Variants in ARHGAP24 observed in about 807,000 individuals in gnomAD.
The protein encoded by ARHGAP24 is rho GTPase-activating protein 24.
In ARHGAP24, 50 loss-of-function variants were observed where a neutral mutation model predicts 76.4. The observed-to-expected ratio is 0.65, with a 90% CI of 0.52 to 0.83. The LOEUF (loss-of-function observed/expected upper bound fraction) is 0.83. ARHGAP24 is among the 40% of genes least tolerant of loss of function. The pLI, the probability that ARHGAP24 is intolerant of heterozygous loss-of-function variation, is 0.00. For synonymous variants in ARHGAP24, 345 were observed against 323.3 expected (o/e 1.07, Z -0.72); for missense variants, 930 against 914.2 (o/e 1.02, Z -0.22).
chr4:85,951,495 G>A (rs1393007907), intron 5 of ARHGAP24, among the ~76,000 whole-genome samples: 4 of 152,012 alleles, frequency 2.6e-5, no homozygotes, highest in African/African-American at 9.7e-5. Flanking sequence ...TTCCCCTGTT[G>A]TTTTCAATGT....
intron 2 of ARHGAP24, among the ~76,000 whole-genome samples, chr4:85,704,805 G>A (rs1724245488): frequency 6.6e-6 from 1 of 152,012 alleles, no homozygotes; most frequent in South Asian, 2.1e-4. Flanking sequence ...ACCGTATCTG[G>A]CATATAGTAG....
At chr4:85,895,524 T>C (rs1734126891) in intron 3 of ARHGAP24, among the ~76,000 whole-genome samples, 1 of 152,180 alleles carries the variant, frequency 6.6e-6, no homozygotes, top group Admixed American at 6.5e-5. Flanking sequence ...GTGCTTGTTT[T>C]CCTGAGGAAA....
At chr4:85,690,763 T>G (rs1336821935) in intron 2 of ARHGAP24, among the ~76,000 whole-genome samples, 1 of 151,604 alleles carries the variant, frequency 6.6e-6, no homozygotes, top group African/African-American at 2.4e-5. Context: ...ATCTTGTTTT[T>G]TTTTTTTTTA....
At chr4:85,877,172 T>G (rs1360128209) in intron 3 of ARHGAP24, among the ~76,000 whole-genome samples, 5 of 152,228 alleles carry the variant, frequency 3.3e-5, no homozygotes, top group African/African-American at 7.2e-5. Context: ...TTTAGTCTTT[T>G]GTATTCTGTT....
chr4:85,995,667 A>G lies in ARHGAP24; in HGVS notation c.2003+10A>G. 6.2e-7 allele frequency: 1 copy of G among 1,613,224 alleles called. No individual in the cohort carries two copies. The highest frequency in any genetic ancestry group is 2.2e-5 in the East Asian group (1 of 44,834). The stretch of plus-strand genomic sequence containing the variant: ...AGTCCAGGATAAAGAGGTAAGGAAA[A>G]TCTGGAGGTCGTAACTACCAGAGAG... On this transcript the variant is annotated intron_variant, in intron 9 of 9. Coordinates refer to ENST00000395184, the MANE Select transcript of ARHGAP24 (RefSeq NM_001025616.3).
At chr4:85,602,063 C>T (rs777269537) in intron 2 of ARHGAP24, among the ~76,000 whole-genome samples, 69 of 152,242 alleles carry the variant, frequency 4.5e-4, no homozygotes, top group Middle Eastern at 6.8e-3. Context: ...CTAAGACTTA[C>T]GGAAGATAGC....
chr4:85,729,840 A>C (rs1362352893), intron 3 of ARHGAP24, among the ~76,000 whole-genome samples: 2 of 152,232 alleles, frequency 1.3e-5, no homozygotes, highest in Non-Finnish European at 2.9e-5. Flanking sequence ...CCACTTAAAA[A>C]TGTAAAAAAT....
intron 5 of ARHGAP24, among the ~76,000 whole-genome samples, chr4:85,943,031 A>G (rs1737041738): frequency 6.6e-6 from 1 of 152,158 alleles, no homozygotes; most frequent in East Asian, 1.9e-4. Context: ...GCCTCTTTTT[A>G]AATATCTAAT....
In ARHGAP24 at chr4:86,001,351, C is replaced by A. The variant is rs1741007042; in HGVS notation, c.*629C>A. ...TGCTTTTAAAATTCTTCCCCTGGCA[C>A]CACTCAGTTTTGCTTTTGCGAGGCG... On this transcript the variant is annotated 3_prime_UTR_variant, in exon 10 of 10. Coordinates refer to ENST00000395184, the MANE Select transcript of ARHGAP24 (RefSeq NM_001025616.3). 3 of 399,008 alleles carry A rather than the reference C, an allele frequency of 7.5e-6. No individual in the cohort carries two copies. Among genetic ancestry groups the A allele is most frequent in the Non-Finnish European group, 1.3e-5 (3 of 226,082 alleles). The allele number at this position is 399,008 out of a possible 1,614,324, so 24.7% of individuals were successfully genotyped here.
At chr4:85,483,265 C>A (rs1316358900) in intron 1 of ARHGAP24, among the ~76,000 whole-genome samples, 1 of 151,984 alleles carries the variant, frequency 6.6e-6, no homozygotes, top group African/African-American at 2.4e-5. Flanking sequence ...TGGCTTATGA[C>A]CAACATTTCT....
At chr4:85,614,079 T>C (rs1412000057) in intron 2 of ARHGAP24, among the ~76,000 whole-genome samples, 1 of 152,250 alleles carries the variant, frequency 6.6e-6, no homozygotes, top group Non-Finnish European at 1.5e-5. Context: ...TTCTTTTCTT[T>C]AGAAAACTTT....
At position 85,995,568 on chromosome 4, in the gene ARHGAP24, C is replaced by T; in HGVS notation, c.1914C>T (p.Ser638=). ...GTGAGACATTTGTGGGCAACAGCAG[C>T]AGCAACCACAGTGCACTGCACAGTT... ...DNSETFVGNS[S]SNHSALHSLV... The change falls in exon 9 of 10, where the codon AGC becomes AGT. Residue 638 remains serine, a synonymous_variant. Coordinates refer to ENST00000395184, the MANE Select transcript of ARHGAP24 (RefSeq NM_001025616.3). 1 of 1,613,192 alleles carries T rather than the reference C, an allele frequency of 6.2e-7. No homozygotes were observed. The highest frequency in any genetic ancestry group is 1.1e-5 in the South Asian group (1 of 90,962).
chr4:85,775,509 C>A (rs779735902), intron 3 of ARHGAP24, among the ~76,000 whole-genome samples: 7 of 152,072 alleles, frequency 4.6e-5, no homozygotes, highest in Non-Finnish European at 1.0e-4. Context: ...GAAAGGGGTT[C>A]CCCCTTATAA....
intron 2 of ARHGAP24, among the ~76,000 whole-genome samples, chr4:85,612,821 A>C (rs866036510): frequency 1.5e-5 from 1 of 65,098 alleles, no homozygotes; most frequent in African/African-American, 5.2e-5. Flanking sequence ...TTTTGTGGCA[A>C]TCTCGCTGTG....
intron 2 of ARHGAP24, among the ~76,000 whole-genome samples, chr4:85,626,365 A>G (rs1037898067): frequency 2.0e-5 from 3 of 152,160 alleles, no homozygotes; most frequent in African/African-American, 7.2e-5. Context: ...TCTGGGTTGA[A>G]AATTCTTTTC....
At chr4:85,708,812 A>G (rs1724413377) in intron 2 of ARHGAP24, among the ~76,000 whole-genome samples, 1 of 152,208 alleles carries the variant, frequency 6.6e-6, no homozygotes, top group Non-Finnish European at 1.5e-5. Flanking sequence ...ATCTATTATC[A>G]TTTGACAAAA....
At chr4:85,992,315 C>A (rs528602447) in intron 8 of ARHGAP24, among the ~76,000 whole-genome samples, 21 of 151,658 alleles carry the variant, frequency 1.4e-4, no homozygotes, top group South Asian at 1.0e-3. Context: ...TTTATTGTCC[C>A]AGAGACTAGA....
At chr4:85,893,842 C>T (rs1361271909) in intron 3 of ARHGAP24, among the ~76,000 whole-genome samples, 1 of 148,558 alleles carries the variant, frequency 6.7e-6, no homozygotes. Context: ...AGTAAACTAT[C>T]GCAAGAACAA....
rs1203674570 is a variant in ARHGAP24 at position 86,000,805 on chromosome 4, G to A, written c.*83G>A. 6.3e-7 allele frequency: 1 copy of A among 1,582,890 alleles called. No homozygotes were observed. On this transcript the variant is annotated 3_prime_UTR_variant, in exon 10 of 10. Coordinates refer to ENST00000395184, the MANE Select transcript of ARHGAP24 (RefSeq NM_001025616.3). Reference sequence around the variant, plus strand: ...GGATATGACTTAGAACCAGGTGGCTGGTCACCTGGATGTACAGAAGTCTAA... The same window carrying A: ...GGATATGACTTAGAACCAGGTGGCTAGTCACCTGGATGTACAGAAGTCTAA...
Sources: allele counts gnomAD v4.1 joint callset (sites outside exome capture counted in the v4.1 genomes callset), GRCh38; gene constraint gnomAD v4.1.1; transcripts MANE v1.5; gene names NCBI Gene and HGNC (gene_info 2026-07-23, HGNC 2026-07-21).